Variants in MAGI1 observed in about 807,000 individuals in gnomAD.
MAGI1 encodes membrane-associated guanylate kinase, WW and PDZ domain-containing protein 1.
MAGI1 carries 58 observed loss-of-function variants against 139.9 expected under a neutral mutation model. That is an observed-to-expected ratio of 0.41 (90% CI 0.34 to 0.52). MAGI1 has a LOEUF of 0.52. Ranked by LOEUF, MAGI1 falls within the 20% of genes least tolerant of loss-of-function variation. The pLI is 0.12. For missense variants in MAGI1, 1,874 were observed against 1,901.6 expected (o/e 0.99, Z 0.27); for synonymous variants, 812 against 737.9 (o/e 1.10, Z -1.63).
At chr3:65,386,347 T>C (rs1011332557) in intron 14 of MAGI1, among the ~76,000 whole-genome samples, 3 of 151,700 alleles carry the variant, frequency 2.0e-5, no homozygotes, top group African/African-American at 4.8e-5. Context: ...CCACTGACAC[T>C]AGGGATGTTA....
At chr3:65,759,012 C>T (rs1391041521) in intron 1 of MAGI1, among the ~76,000 whole-genome samples, 6 of 129,086 alleles carry the variant, frequency 4.6e-5, no homozygotes, top group Non-Finnish European at 7.8e-5. Flanking sequence ...TATATGATCT[C>T]ATACATATTT....
At chr3:65,852,034 T>G (rs2059221739) in intron 1 of MAGI1, among the ~76,000 whole-genome samples, 1 of 152,166 alleles carries the variant, frequency 6.6e-6, no homozygotes, top group Admixed American at 6.5e-5. Flanking sequence ...TAAAAGCGAA[T>G]ACATTGAGCT....
intron 2 of MAGI1, among the ~76,000 whole-genome samples, chr3:65,589,093 C>A (rs927246314): frequency 6.6e-6 from 1 of 152,078 alleles, no homozygotes; most frequent in South Asian, 2.1e-4. Context: ...AAACAGTTTA[C>A]AGTATGCATG....
rs550915656 is a variant in MAGI1 at position 65,865,081 on chromosome 3, T to C, written c.313+172915A>G. Among the ~76,000 whole-genome samples the C allele has an allele frequency of 1.8e-4, 28 of 152,258 alleles. 1 individual carries two copies. Among genetic ancestry groups the C allele is most frequent in the Admixed American group, 3.3e-4 (5 of 15,282 alleles). On this transcript the variant is annotated intron_variant, in intron 1 of 22. Transcript: ENST00000402939. ...TCAATATTGTAGATATGTACATCTG[T>C]AACTATGCCATACACACAACTACAT...
In MAGI1 at chr3:65,423,596, C is replaced by T. The variant is rs371769313; in HGVS notation, c.2167+5924G>A. ...GATATAGTCTTCAATAATTATGGTA[C>T]TGGAGCAATTTCTTGCCTGTAAGGC... On this transcript the variant is annotated intron_variant, in intron 12 of 22. Coordinates refer to ENST00000402939, the MANE Select transcript of MAGI1 (RefSeq NM_001033057.2). Among the ~76,000 whole-genome samples the T allele has an allele frequency of 2.0e-5, 3 of 152,204 alleles. No homozygotes were observed. The East Asian group carries it at 5.8e-4, about 29-fold the overall frequency.
intron 1 of MAGI1, among the ~76,000 whole-genome samples, chr3:66,010,076 T>TAA (rs2067242408): frequency 9.1e-5 from 1 of 10,994 alleles, no homozygotes; most frequent in African/African-American, 2.3e-4. Context: ...ACTCTCTGTC[T>TAA]CAAAAAAAAA....
chr3:66,025,000 C>T (rs138387291), intron 1 of MAGI1, among the ~76,000 whole-genome samples: 1 of 151,958 alleles, frequency 6.6e-6, no homozygotes, highest in African/African-American at 2.4e-5. Context: ...ATACCAAAAG[C>T]CTTAAAAAGA....
intron 1 of MAGI1, among the ~76,000 whole-genome samples, chr3:65,866,919 G>A (rs1014002109): frequency 6.6e-6 from 1 of 152,196 alleles, no homozygotes; most frequent in African/African-American, 2.4e-5. Context: ...TGGTCAATCA[G>A]CTGGACTGCT....
chr3:65,844,021 C>T, intron 1 of MAGI1: 1 of 348,020 alleles, frequency 2.9e-6, no homozygotes, highest in Non-Finnish European at 5.6e-6. Flanking sequence ...ATATGAAAGC[C>T]ACCAAGTATC....
At chr3:65,497,730 A>G (rs1952554525) in intron 2 of MAGI1, among the ~76,000 whole-genome samples, 1 of 152,208 alleles carries the variant, frequency 6.6e-6, no homozygotes, top group South Asian at 2.1e-4. Flanking sequence ...TTTACCTTAA[A>G]GACAACAATC....
intron 2 of MAGI1, among the ~76,000 whole-genome samples, chr3:65,543,725 G>A (rs552939140): frequency 6.6e-6 from 1 of 151,832 alleles, no homozygotes; most frequent in Non-Finnish European, 1.5e-5. Context: ...CACAGAGAGA[G>A]GAACATCACA....
intron 12 of MAGI1, among the ~76,000 whole-genome samples, chr3:65,425,115 A>ACAAAC (rs1946922228): frequency 4.3e-5 from 2 of 46,176 alleles, no homozygotes; most frequent in African/African-American, 1.9e-4. Flanking sequence ...TTCTAAAAAA[A>ACAAAC]AAAAAAAAAA....
intron 3 of MAGI1, among the ~76,000 whole-genome samples, chr3:65,481,077 G>C (rs189398836): frequency 9.2e-5 from 14 of 152,190 alleles, no homozygotes; most frequent in Admixed American, 2.6e-4. Context: ...AATTTGAAGG[G>C]TGCCAGGTAG....
chr3:65,673,115 GTTT>G (rs2086968329), intron 1 of MAGI1, among the ~76,000 whole-genome samples: 1 of 152,126 alleles, frequency 6.6e-6, no homozygotes, highest in Non-Finnish European at 1.5e-5. Context: ...GGGCTTGCGA[GTTT>G]TTGTTCACCT....
chr3:65,364,418 A>C (rs1297266464), intron 20 of MAGI1, among the ~76,000 whole-genome samples: 1 of 152,112 alleles, frequency 6.6e-6, no homozygotes, highest in Admixed American at 6.5e-5. Flanking sequence ...CTAACTGCCG[A>C]TCCTTGTGAC....
rs150532679 is a variant in MAGI1, at chr3:65,778,612, G to T, written c.314-156524C>A. On this transcript the variant is annotated intron_variant, in intron 1 of 22. Transcript: ENST00000402939. ...CCATGACTTCAATTGCACAGGTGAG[G>T]AAACAGCAGTTAAGCAACTTGCCAG... Among the ~76,000 whole-genome samples the T allele has an allele frequency of 5.1e-3, 769 of 152,144 alleles. 5 individuals are homozygous for T. Among genetic ancestry groups the T allele is most frequent in the African/African-American group, 0.018 (735 of 41,486 alleles).
intron 2 of MAGI1, among the ~76,000 whole-genome samples, chr3:65,563,631 G>A (rs1404420637): frequency 6.6e-6 from 1 of 152,172 alleles, no homozygotes; most frequent in Non-Finnish European, 1.5e-5. Flanking sequence ...GACACCTTGA[G>A]AGTGGACCAA....
At chr3:65,363,906 T>C (rs535624736) in intron 20 of MAGI1, among the ~76,000 whole-genome samples, 1 of 152,198 alleles carries the variant, frequency 6.6e-6, no homozygotes, top group Non-Finnish European at 1.5e-5. Context: ...ACCAGCCACC[T>C]GGCTGCTGGA....
chr3:65,657,876 T>C (rs758619125), intron 1 of MAGI1, among the ~76,000 whole-genome samples: 2 of 152,168 alleles, frequency 1.3e-5, no homozygotes, highest in African/African-American at 4.8e-5. Flanking sequence ...GGAAGGTCAC[T>C]TACATTATAG....
Sources: allele counts gnomAD v4.1 joint callset (sites outside exome capture counted in the v4.1 genomes callset), GRCh38; gene constraint gnomAD v4.1.1; transcripts MANE v1.5; gene names NCBI Gene and HGNC (gene_info 2026-07-23, HGNC 2026-07-21).